The following MLLT10 variants were observed in gnomAD, a reference collection of about 807,000 sequenced individuals.
MLLT10 encodes the protein MLLT10 histone lysine methyltransferase DOT1L cofactor, also known as protein AF-10.
In MLLT10, 30 loss-of-function variants were observed where a neutral mutation model predicts 129.1. The ratio of observed to expected loss-of-function variants is 0.23; its 90% CI spans 0.17 to 0.32. The LOEUF (loss-of-function observed/expected upper bound fraction) is 0.32, where lower values mean the gene tolerates loss of function less well. Among genes scored for constraint, MLLT10 ranks in the 10% least tolerant of loss-of-function variants. The probability of loss-of-function intolerance (pLI) is 1.00; values close to 1 mark genes in which losing one functional copy is unlikely to be tolerated. For missense variants in MLLT10, 1,119 were observed against 1,268.3 expected (o/e 0.88, Z 1.79); for synonymous variants, 490 against 446.4 (o/e 1.10, Z -1.23).
intron 9 of MLLT10, among the ~76,000 whole-genome samples, chr10:21,659,184 G>T (rs1380284715): frequency 1.3e-5 from 2 of 151,594 alleles, no homozygotes; most frequent in African/African-American, 4.8e-5. Context: ...TTGAAGAGCA[G>T]ACATTCTTTA....
At chr10:21,705,020 AT>A (rs2055359195) in intron 13 of MLLT10, among the ~76,000 whole-genome samples, 1 of 152,064 alleles carries the variant, frequency 6.6e-6, no homozygotes, top group African/African-American at 2.4e-5. Flanking sequence ...AGGTAGGCTG[AT>A]TCTTGTGCCT....
intron 8 of MLLT10, among the ~76,000 whole-genome samples, chr10:21,639,238 C>A (rs1170745687): frequency 6.6e-6 from 1 of 152,198 alleles, no homozygotes; most frequent in Admixed American, 6.5e-5. Context: ...TTTCTCCCCA[C>A]CAAGCAAGCT....
chr10:21,684,604 C>G (rs1258432673), intron 13 of MLLT10, among the ~76,000 whole-genome samples: 2 of 152,168 alleles, frequency 1.3e-5, no homozygotes, highest in African/African-American at 4.8e-5. Flanking sequence ...TGAACTGTTT[C>G]AGCAAACTCC....
At chr10:21,668,421 T>A (rs560321536) in intron 9 of MLLT10, among the ~76,000 whole-genome samples, 1 of 152,258 alleles carries the variant, frequency 6.6e-6, no homozygotes, top group East Asian at 1.9e-4. Flanking sequence ...AAATCATTTT[T>A]AAACCTGGAA....
chr10:21,585,583 C>T (rs1051915128), intron 3 of MLLT10, among the ~76,000 whole-genome samples: 2 of 152,144 alleles, frequency 1.3e-5, no homozygotes, highest in African/African-American at 2.4e-5. Context: ...ACCTACTTGA[C>T]GGCAGTCGTC....
At chr10:21,738,746 C>T (rs2058590112) in intron 21 of MLLT10, among the ~76,000 whole-genome samples, 1 of 152,170 alleles carries the variant, frequency 6.6e-6, no homozygotes, top group Non-Finnish European at 1.5e-5. Flanking sequence ...ATTTCCTCCT[C>T]TTAGCTTCCA....
intron 13 of MLLT10, among the ~76,000 whole-genome samples, chr10:21,682,933 T>C (rs1474326785): frequency 6.6e-6 from 1 of 152,216 alleles, no homozygotes; most frequent in African/African-American, 2.4e-5. Context: ...GTGTCAACTT[T>C]GTTGATTTTC....
intron 9 of MLLT10, among the ~76,000 whole-genome samples, chr10:21,668,351 A>G (rs560383453): frequency 2.0e-5 from 3 of 152,100 alleles, no homozygotes; most frequent in Admixed American, 6.5e-5. Context: ...TTGTATGTTT[A>G]TAATGGAATT....
At chr10:21,586,058 G>A (rs1477309028) in intron 3 of MLLT10, among the ~76,000 whole-genome samples, 1 of 152,122 alleles carries the variant, frequency 6.6e-6, no homozygotes, top group Non-Finnish European at 1.5e-5. Context: ...CACCGCGCCT[G>A]GCCCATGGCA....
At chr10:21,550,540 G>C (rs373013503) in intron 3 of MLLT10, among the ~76,000 whole-genome samples, 1 of 152,072 alleles carries the variant, frequency 6.6e-6, no homozygotes, top group East Asian at 1.9e-4. Flanking sequence ...TTAGCTTTTT[G>C]TTTGTTTTTG....
chr10:21,738,082 AC>A (rs1229145490), intron 21 of MLLT10, among the ~76,000 whole-genome samples: 1 of 152,040 alleles, frequency 6.6e-6, no homozygotes, highest in Non-Finnish European at 1.5e-5. Context: ...AGCCTGACCA[AC>A]GTGGTGAAAC....
chr10:21,567,389 G>C (rs910341431), intron 3 of MLLT10, among the ~76,000 whole-genome samples: 1 of 152,048 alleles, frequency 6.6e-6, no homozygotes, highest in Non-Finnish European at 1.5e-5. Flanking sequence ...GGTGGATGTG[G>C]CCTTGTTTGT....
At chr10:21,598,011 A>G (rs1408512114) in intron 5 of MLLT10, among the ~76,000 whole-genome samples, 1 of 152,128 alleles carries the variant, frequency 6.6e-6, no homozygotes. Flanking sequence ...TCATATATAA[A>G]CATCTTGTTC....
intron 9 of MLLT10, chr10:21,669,149 T>G: frequency 8.7e-7 from 1 of 1,154,488 alleles, no homozygotes; most frequent in Non-Finnish European, 1.1e-6. Context: ...TGTTCTTGTT[T>G]GTGGATTGTA....
chr10:21,717,422 TAGC>T (rs1334715920), intron 14 of MLLT10, among the ~76,000 whole-genome samples: 1 of 146,344 alleles, frequency 6.8e-6, no homozygotes, highest in African/African-American at 2.5e-5. Context: ...GGGAGTCTGA[TAGC>T]AGCATACATT....
intron 14 of MLLT10, among the ~76,000 whole-genome samples, chr10:21,725,774 G>A (rs1384166442): frequency 6.9e-6 from 1 of 144,044 alleles, no homozygotes; most frequent in African/African-American, 2.6e-5. Context: ...TTTTTGAGAC[G>A]GAGTCTCGCT....
chr10:21,541,293 C>G (rs1292459917), intron 3 of MLLT10: 1 of 152,286 alleles, frequency 6.6e-6, no homozygotes, highest in Non-Finnish European at 1.5e-5. Context: ...TCATTGCTCA[C>G]TGCAGCCTTG....
chr10:21,577,613 A>G (rs1484377943), intron 3 of MLLT10, among the ~76,000 whole-genome samples: 3 of 152,046 alleles, frequency 2.0e-5, no homozygotes, highest in African/African-American at 7.2e-5. Context: ...CTGGGATTAC[A>G]GGCACCCACC....
chr10:21,649,563 A>T (rs1394704597), intron 8 of MLLT10, among the ~76,000 whole-genome samples: 1 of 152,198 alleles, frequency 6.6e-6, no homozygotes, highest in African/African-American at 2.4e-5. Context: ...ATGAGGATTC[A>T]TTAAGCTGGT....
Sources: gnomAD v4.1 joint callset for allele counts (sites outside exome capture counted in the v4.1 genomes callset) on GRCh38, gnomAD v4.1.1 for gene constraint, MANE v1.5 for transcripts, NCBI Gene and HGNC (gene_info 2026-07-23, HGNC 2026-07-21) for gene names.